The following DCT variants were observed in gnomAD, a reference collection of about 807,000 sequenced individuals.
The protein encoded by DCT is L-dopachrome tautomerase.
DCT carries 47 observed loss-of-function variants against 53.0 expected under a neutral mutation model. The ratio of observed to expected loss-of-function variants is 0.89; its 90% CI spans 0.70 to 1.13. DCT has a LOEUF of 1.13. Among genes scored for constraint, DCT ranks in the 50% most tolerant of loss-of-function variants. The pLI is 0.00. For missense variants in DCT, 669 were observed against 637.4 expected (o/e 1.05, Z -0.53); for synonymous variants, 244 against 237.0 (o/e 1.03, Z -0.27).
rs749431032 is a variant in DCT at position 94,468,726 on chromosome 13, C to T, written c.595+20G>A. On this transcript the variant is annotated intron_variant, in intron 2 of 7. Coordinates refer to ENST00000377028, the MANE Select transcript of DCT (RefSeq NM_001922.5). Reference sequence around the variant, plus strand: ...TCACAAACCTGTAATAATATACCTTCAGCCAAGGAAAAAACCCACCTAATA... The same window carrying T: ...TCACAAACCTGTAATAATATACCTTTAGCCAAGGAAAAAACCCACCTAATA... The T allele has an allele frequency of 5.6e-6, 9 of 1,605,338 alleles. No homozygotes were observed. The Admixed American group carries it at 8.4e-5, about 15-fold the overall frequency.
At chr13:94,503,875 T>C in the DCT span, among the ~76,000 whole-genome samples, 1 of 152,234 alleles carries the variant, frequency 6.6e-6, no homozygotes, top group African/African-American at 2.4e-5. Flanking sequence ...GCTCATACAA[T>C]TTTCAAGTGG....
At chr13:94,522,812 G>T in the DCT span, among the ~76,000 whole-genome samples, 5 of 152,290 alleles carry the variant, frequency 3.3e-5, no homozygotes, top group Non-Finnish European at 5.9e-5. Flanking sequence ...ATTTAGCAAA[G>T]GTTATATAGC....
Position 94,468,953 on chromosome 13 carries a change from T to C in DCT, c.388A>G (p.Ile130Val). 1 of 1,614,110 alleles carries C rather than the reference T, an allele frequency of 6.2e-7. No homozygotes were observed. The highest frequency in any genetic ancestry group is 8.5e-7 in the Non-Finnish European group (1 of 1,179,992). The stretch of plus-strand genomic sequence containing the variant: ...CTTTCCTGAGGACTCAAGGAATGGA[T>C]GTTCTGCCGAATCACTGGTGGTTTC... Reference protein sequence around the residue: ...RKKPPVIRQNIHSLSPQEREQ... With the variant: ...RKKPPVIRQNVHSLSPQEREQ... The change falls in exon 2 of 8, where the codon ATC becomes GTC. Residue 130 changes from isoleucine to valine, a missense_variant. By Grantham distance (29) the Ile-to-Val change is conservative. Transcript: ENST00000377028.
chr13:94,517,669 G>C, the DCT span, among the ~76,000 whole-genome samples: 1 of 152,086 alleles, frequency 6.6e-6, no homozygotes, highest in East Asian at 1.9e-4. Context: ...TATCCCAGTG[G>C]GCCCTAGATC....
the DCT span, among the ~76,000 whole-genome samples, chr13:94,526,462 C>T: frequency 6.6e-6 from 1 of 152,072 alleles, no homozygotes; most frequent in East Asian, 1.9e-4. Flanking sequence ...CAGCAAGACC[C>T]CTATCTCTAC....
intron 6 of DCT, among the ~76,000 whole-genome samples, chr13:94,451,739 T>TC: frequency 6.6e-6 from 1 of 152,262 alleles, no homozygotes; most frequent in East Asian, 1.9e-4. Context: ...AGAGGTTGAG[T>TC]ATGTTTTCAG....
At chr13:94,523,402 A>G in the DCT span, among the ~76,000 whole-genome samples, 1 of 152,210 alleles carries the variant, frequency 6.6e-6, no homozygotes, top group African/African-American at 2.4e-5. Context: ...ATTGTCCTAC[A>G]TGCCCCTCAC....
intron 1 of DCT, among the ~76,000 whole-genome samples, chr13:94,470,848 T>C (rs1884600016): frequency 6.6e-6 from 1 of 152,254 alleles, no homozygotes; most frequent in Non-Finnish European, 1.5e-5. Flanking sequence ...TTTACACTGA[T>C]TGTAAACATT....
chr13:94,465,965 A>ATT lies in DCT; in HGVS notation c.697-168_697-167dup, dbSNP rs67747887. On this transcript the variant is annotated intron_variant, in intron 3 of 7. Coordinates refer to ENST00000377028, the MANE Select transcript of DCT (RefSeq NM_001922.5). The stretch of plus-strand genomic sequence containing the variant: ...CTGTGACATAAATCAGTGTGTGTAT[A>ATT]TTTTATATATATATATATATATATA... Among the ~76,000 whole-genome samples the ATT allele has an allele frequency of 1.1e-3, 107 of 99,528 alleles. 1 individual carries two copies. Among genetic ancestry groups the ATT allele is most frequent in the East Asian group, 9.9e-3 (18 of 1,818 alleles). 65.3% of individuals were successfully genotyped at this position (99,528 alleles called of 152,430 possible). A position where few individuals can be genotyped will look rare whatever the true frequency, so the allele number is the denominator to read the frequency against.
Position 94,452,206 on chromosome 13 carries a change from T to C in DCT, c.1179+7885A>G, listed in dbSNP as rs142468288. On this transcript the variant is annotated intron_variant, in intron 6 of 7. Coordinates refer to ENST00000377028, the MANE Select transcript of DCT (RefSeq NM_001922.5). ...TAACACCACACCCGGCTAATTTTTG[T>C]ATTTTTAGTAGAGACAAGGTTTCAC... 9.0e-3 allele frequency among the ~76,000 whole-genome samples: 1,368 copies of C among 152,246 alleles called. 20 individuals are homozygous for C. The highest frequency in any genetic ancestry group is 0.031 in the African/African-American group (1,293 of 41,548).
At chr13:94,507,885 C>G in the DCT span, among the ~76,000 whole-genome samples, 37 of 152,292 alleles carry the variant, frequency 2.4e-4, no homozygotes, top group East Asian at 6.6e-3. Context: ...AGTCAAGAGT[C>G]TACATGTTTT....
the DCT span, among the ~76,000 whole-genome samples, chr13:94,493,388 G>T: frequency 6.6e-6 from 1 of 152,204 alleles, no homozygotes; most frequent in African/African-American, 2.4e-5. Flanking sequence ...AAGCAGATGA[G>T]TGTCGGCCAG....
the DCT span, among the ~76,000 whole-genome samples, chr13:94,491,897 A>G: frequency 1.3e-5 from 2 of 152,156 alleles, no homozygotes; most frequent in Non-Finnish European, 2.9e-5. Context: ...TAAATTTTAG[A>G]TCTGGATGAG....
Position 94,479,414 on chromosome 13 carries a change from CAG to C in DCT, c.-161_-160del. The stretch of plus-strand genomic sequence containing the variant: ...CTTAAAAAAATACCCACAAGAATCA[CAG>C]AGGTTACATGTGTGCACATGTGTAC... On this transcript the variant is annotated 5_prime_UTR_variant, in exon 1 of 8. An upstream open reading frame in the 5' UTR loses its in-frame stop. Coordinates refer to ENST00000377028, the MANE Select transcript of DCT (RefSeq NM_001922.5). 1.4e-6 allele frequency: 1 copy of C among 703,730 alleles called. No homozygotes were observed. The highest frequency in any genetic ancestry group is 2.3e-6 in the Non-Finnish European group (1 of 435,090). 43.6% of individuals were successfully genotyped at this position (703,730 alleles called of 1,614,324 possible). A position where few individuals can be genotyped will look rare whatever the true frequency, so the allele number is the denominator to read the frequency against.
At chr13:94,525,080 G>A in the DCT span, among the ~76,000 whole-genome samples, 1 of 151,404 alleles carries the variant, frequency 6.6e-6, no homozygotes, top group African/African-American at 2.4e-5. Context: ...TAGACTTCGA[G>A]GCTCCAGCGC....
Position 94,462,038 on chromosome 13 carries a change from A to T in DCT, c.1015T>A (p.Phe339Ile). The stretch of plus-strand genomic sequence containing the variant: ...AAACTGAAGGTAGAGTTCTGGAAGA[A>T]GGGAGGATTGTCAAACTTCTGGAGA... ...LSLQKFDNPP[F>I]FQNSTFSFRN... The change falls in exon 5 of 8, where the codon TTC (phenylalanine) becomes ATC (isoleucine). Residue 339 changes from phenylalanine to isoleucine, a missense_variant. Phe to Ile is a conservative substitution (Grantham distance 21, BLOSUM62 0). Transcript: ENST00000377028. The T allele has an allele frequency of 6.2e-7, 1 of 1,613,466 alleles. No individual in the cohort carries two copies.
At chr13:94,541,949 G>A in the DCT span, among the ~76,000 whole-genome samples, 4 of 152,174 alleles carry the variant, frequency 2.6e-5, no homozygotes, top group South Asian at 8.3e-4. Context: ...GAAAACATCA[G>A]TACCATCATT....
chr13:94,469,574 G>A (rs1165489245), intron 1 of DCT, among the ~76,000 whole-genome samples: 2 of 152,144 alleles, frequency 1.3e-5, no homozygotes, highest in Non-Finnish European at 2.9e-5. Flanking sequence ...CCAGAACTGT[G>A]GGAGGGTGAA....
the DCT span, among the ~76,000 whole-genome samples, chr13:94,529,545 G>A: frequency 2.0e-5 from 3 of 152,182 alleles, no homozygotes; most frequent in Non-Finnish European, 4.4e-5. Context: ...TGACTACTGC[G>A]TAAATAACGA....
Sources: allele counts gnomAD v4.1 joint callset (sites outside exome capture counted in the v4.1 genomes callset), GRCh38; gene constraint gnomAD v4.1.1; transcripts MANE v1.5; gene names NCBI Gene and HGNC (gene_info 2026-07-23, HGNC 2026-07-21).